The following NEK11 variants were observed in gnomAD, a reference collection of about 807,000 sequenced individuals.
NEK11 encodes the protein serine/threonine-protein kinase Nek11.
A neutral mutation model predicts 80.7 loss-of-function variants in NEK11; 72 were observed. The ratio of observed to expected loss-of-function variants is 0.89; its 90% CI spans 0.74 to 1.08. NEK11 has a LOEUF of 1.08. Ranked by LOEUF, NEK11 falls within the 50% of genes least tolerant of loss-of-function variation. The pLI, the probability that NEK11 is intolerant of heterozygous loss-of-function variation, is 0.00. For missense variants in NEK11, 764 were observed against 763.6 expected, an observed-to-expected ratio of 1.00 and a Z score of -0.01; for synonymous variants, 251 against 260.7, an observed-to-expected ratio of 0.96 and a Z score of 0.36.
At chr3:131,237,510 A>G (rs1459142760) in intron 15 of NEK11, among the ~76,000 whole-genome samples, 1 of 152,130 alleles carries the variant, frequency 6.6e-6, no homozygotes, top group Non-Finnish European at 1.5e-5. Context: ...TTATTGATTG[A>G]CATCTCCTAA....
rs1050581082 is a variant in NEK11, at chr3:131,243,232, T to A, written c.1561-204T>A. 3.3e-5 allele frequency among the ~76,000 whole-genome samples: 5 copies of A among 152,192 alleles called. No homozygotes were observed. In the East Asian group the frequency reaches 5.8e-4, roughly 18 times the overall value. On this transcript the variant is annotated intron_variant, in intron 15 of 17. Transcript: ENST00000383366. Reference sequence around the variant, plus strand: ...TTTTGTATGTTTTTGCCATGACAGATAGAGCAATAAATCTAGAGATTGTTA... The same window carrying A: ...TTTTGTATGTTTTTGCCATGACAGAAAGAGCAATAAATCTAGAGATTGTTA...
At chr3:131,029,500 C>T (rs1010316462) in intron 2 of NEK11, 113 bp from the exon 3 acceptor site, 6 of 405,062 alleles carry the variant, frequency 1.5e-5, no homozygotes, top group Non-Finnish European at 2.6e-5. Context: ...AAGTTGTTAA[C>T]CAATATGGTG....
At chr3:131,224,138 C>T (rs2095116571) in intron 14 of NEK11, among the ~76,000 whole-genome samples, 1 of 152,142 alleles carries the variant, frequency 6.6e-6, no homozygotes, top group African/African-American at 2.4e-5. Context: ...GGTAAATAAA[C>T]CTACTACACT....
chr3:131,197,382 A>T (rs776166514), intron 14 of NEK11, among the ~76,000 whole-genome samples: 2 of 152,136 alleles, frequency 1.3e-5, no homozygotes, highest in African/African-American at 4.8e-5. Flanking sequence ...TCTGCGGTAG[A>T]TCTTAGTCAT....
At chr3:131,169,937 C>T (rs760961761) in intron 13 of NEK11, among the ~76,000 whole-genome samples, 7 of 152,162 alleles carry the variant, frequency 4.6e-5, no homozygotes, top group East Asian at 1.9e-4. Context: ...GAACCAATTT[C>T]GCCTCCTGAA....
intron 7 of NEK11, among the ~76,000 whole-genome samples, chr3:131,138,363 A>G (rs538806409): frequency 2.0e-5 from 3 of 152,060 alleles, no homozygotes; most frequent in Non-Finnish European, 4.4e-5. Context: ...GGACTGTGTC[A>G]TGTGACTTGA....
intron 17 of NEK11, among the ~76,000 whole-genome samples, chr3:131,287,274 T>C (rs2096484922): frequency 6.6e-6 from 1 of 152,010 alleles, no homozygotes; most frequent in African/African-American, 2.4e-5. Context: ...GATGTTTCTT[T>C]GTTTGTTTGT....
intron 17 of NEK11, among the ~76,000 whole-genome samples, chr3:131,336,021 A>G (rs2097177139): frequency 6.6e-6 from 1 of 152,278 alleles, no homozygotes; most frequent in Non-Finnish European, 1.5e-5. Flanking sequence ...AAGAATCAAT[A>G]TCATGAAAAC....
intron 17 of NEK11, among the ~76,000 whole-genome samples, chr3:131,308,611 T>G (rs571107886): frequency 1.3e-5 from 2 of 152,342 alleles, no homozygotes; most frequent in South Asian, 4.1e-4. Flanking sequence ...CACATTTTGT[T>G]GATGGTCTTC....
chr3:131,174,791 A>G, intron 14 of NEK11: 2 of 1,611,036 alleles, frequency 1.2e-6, no homozygotes, highest in Non-Finnish European at 1.7e-6. Flanking sequence ...CTTTCAGAGC[A>G]GTGTTTTTTC....
chr3:131,340,381 A>T (rs2097265793), intron 17 of NEK11, among the ~76,000 whole-genome samples: 1 of 152,248 alleles, frequency 6.6e-6, no homozygotes, highest in Non-Finnish European at 1.5e-5. Context: ...CTAAGCAGCT[A>T]TGGCTGTATT....
At chr3:131,335,147 C>A (rs2097160206) in intron 17 of NEK11, among the ~76,000 whole-genome samples, 1 of 152,176 alleles carries the variant, frequency 6.6e-6, no homozygotes, top group Non-Finnish European at 1.5e-5. Flanking sequence ...GATACCAAAG[C>A]CTGGCAGAGA....
At chr3:131,302,729 G>A (rs561751372) in intron 17 of NEK11, among the ~76,000 whole-genome samples, 5 of 152,018 alleles carry the variant, frequency 3.3e-5, no homozygotes, top group Admixed American at 6.5e-5. Flanking sequence ...GTATGATTTC[G>A]ATTTTTTTTC....
intron 14 of NEK11, among the ~76,000 whole-genome samples, chr3:131,176,915 C>A (rs1395845660): frequency 6.6e-6 from 1 of 152,092 alleles, no homozygotes; most frequent in Non-Finnish European, 1.5e-5. Flanking sequence ...CAGAGGGCAT[C>A]CTTAAGTGGC....
In NEK11 at chr3:131,071,696, T is replaced by A. The variant is rs561007701; in HGVS notation, c.171-8727T>A. On this transcript the variant is annotated intron_variant, in intron 3 of 17. Coordinates refer to ENST00000383366, the MANE Select transcript of NEK11 (RefSeq NM_024800.5). ...TTTGAAATGTACTAATAACAAAGAA[T>A]TTTTAGTCATTTGTCCCCCAGTTTT... 3.9e-5 allele frequency among the ~76,000 whole-genome samples: 6 copies of A among 152,228 alleles called. No individual in the cohort carries two copies. The East Asian group carries it at 1.2e-3, about 29-fold the overall frequency.
chr3:131,239,657 G>A (rs1426873592), intron 15 of NEK11, among the ~76,000 whole-genome samples: 1 of 152,174 alleles, frequency 6.6e-6, no homozygotes, highest in Non-Finnish European at 1.5e-5. Context: ...AGATGGCTGA[G>A]TTTTCACACC....
chr3:131,069,737 A>G, intron 3 of NEK11, among the ~76,000 whole-genome samples: 1 of 151,602 alleles, frequency 6.6e-6, no homozygotes, highest in Non-Finnish European at 1.5e-5. Flanking sequence ...ACAAAAAACT[A>G]AACACCGCAT....
intron 17 of NEK11, among the ~76,000 whole-genome samples, chr3:131,276,258 A>G (rs2096288425): frequency 6.6e-6 from 1 of 152,244 alleles, no homozygotes; most frequent in African/African-American, 2.4e-5. Context: ...ATGGAGATTA[A>G]TGTGTAGGAG....
At chr3:131,270,677 C>A (rs1240997618) in intron 16 of NEK11, among the ~76,000 whole-genome samples, 1 of 152,190 alleles carries the variant, frequency 6.6e-6, no homozygotes, top group Non-Finnish European at 1.5e-5. Context: ...GCTTTGCCAA[C>A]CCTGTTACTC....
Sources: gnomAD v4.1 joint callset for allele counts (sites outside exome capture counted in the v4.1 genomes callset) on GRCh38, gnomAD v4.1.1 for gene constraint, MANE v1.5 for transcripts, NCBI Gene and HGNC (gene_info 2026-07-23, HGNC 2026-07-21) for gene names.